COL21A1: variants seen among roughly 807,000 people sequenced by gnomAD.
COL21A1 encodes collagen type XXI alpha 1 chain, also known as collagen alpha-1(XXI) chain.
A neutral mutation model predicts 137.9 loss-of-function variants in COL21A1; 149 were observed. That is an observed-to-expected ratio of 1.08 (90% CI 0.95 to 1.24). The LOEUF is 1.24. Among genes scored for constraint, COL21A1 ranks in the 50% most tolerant of loss-of-function variants. The pLI is 0.00. For synonymous variants in COL21A1, 456 were observed against 391.5 expected (o/e 1.16, Z -1.95); for missense variants, 1,167 against 1,158.4 (o/e 1.01, Z -0.11).
At chr6:56,132,297 A>G (rs1490102297) in intron 12 of COL21A1, among the ~76,000 whole-genome samples, 2 of 152,268 alleles carry the variant, frequency 1.3e-5, no homozygotes, top group South Asian at 2.1e-4. Flanking sequence ...AAACTAATCC[A>G]TATGTGCAAA....
chr6:56,313,036 T>G (rs1220031715), intron 1 of COL21A1, among the ~76,000 whole-genome samples: 1 of 152,134 alleles, frequency 6.6e-6, no homozygotes, highest in Non-Finnish European at 1.5e-5. Context: ...TTGTGACTAC[T>G]TATCCATGCT....
intron 10 of COL21A1, among the ~76,000 whole-genome samples, chr6:56,144,180 C>T (rs1025873405): frequency 2.0e-5 from 3 of 152,184 alleles, no homozygotes; most frequent in Non-Finnish European, 4.4e-5. Flanking sequence ...CTTACAACTA[C>T]TCTTTAATGT....
chr6:56,343,143 A>G (rs1288183099), intron 1 of COL21A1, among the ~76,000 whole-genome samples: 1 of 152,222 alleles, frequency 6.6e-6, no homozygotes, highest in Non-Finnish European at 1.5e-5. Context: ...CCCAAGGTTT[A>G]GAGGAAAGAT....
chr6:56,319,405 T>C (rs4628100), intron 1 of COL21A1, among the ~76,000 whole-genome samples: 4,315 of 152,298 alleles, frequency 0.028, 83 homozygotes, highest in Non-Finnish European at 0.044. Context: ...TGGTGTACTC[T>C]CTGCTCATTG....
In COL21A1 at chr6:56,073,463, T is replaced by G. The variant is rs9370480; in HGVS notation, c.1965+769A>C. Among the ~76,000 whole-genome samples the G allele has an allele frequency of 3.3e-5, 5 of 151,336 alleles. No homozygotes were observed. In the East Asian group the frequency reaches 7.8e-4, roughly 24 times the overall value. ...AAATAGAGTAGGTCATCTACTCATA[T>G]GCCAGGGTCTATTCCCCTGAGGCAA... On this transcript the variant is annotated intron_variant, in intron 20 of 29. Coordinates refer to ENST00000244728, the MANE Select transcript of COL21A1 (RefSeq NM_030820.4).
At chr6:56,358,009 G>T (rs77221481) in intron 1 of COL21A1, among the ~76,000 whole-genome samples, 4,335 of 152,224 alleles carry the variant, frequency 0.028, 222 homozygotes, top group African/African-American at 0.097. Flanking sequence ...GCACAAGAGT[G>T]ATATCTGATA....
chr6:56,206,177 A>T (rs926116921), intron 1 of COL21A1, among the ~76,000 whole-genome samples: 2 of 152,178 alleles, frequency 1.3e-5, no homozygotes, highest in Non-Finnish European at 2.9e-5. Flanking sequence ...CAATTAAAAG[A>T]CACAGACTGG....
intron 12 of COL21A1, among the ~76,000 whole-genome samples, chr6:56,135,652 A>G (rs1773942502): frequency 2.0e-5 from 3 of 152,152 alleles, no homozygotes; most frequent in Non-Finnish European, 4.4e-5. Flanking sequence ...ATATTCAAAG[A>G]TGTTTCTTAC....
chr6:56,286,244 C>T (rs1322769612), intron 1 of COL21A1, among the ~76,000 whole-genome samples: 1 of 152,210 alleles, frequency 6.6e-6, no homozygotes, highest in Admixed American at 6.5e-5. Context: ...TACTAAGCTG[C>T]ATGCACTGAG....
At chr6:56,309,050 T>A (rs1001829787) in intron 1 of COL21A1, among the ~76,000 whole-genome samples, 1 of 152,044 alleles carries the variant, frequency 6.6e-6, no homozygotes, top group Non-Finnish European at 1.5e-5. Context: ...ATTATCTTTT[T>A]TTTTTTTTTC....
rs145100480 is a variant in COL21A1, at chr6:56,060,328, G to A, written c.2408-110C>T. 444 of 856,076 alleles carry A rather than the reference G, an allele frequency of 5.2e-4. 2 individuals are homozygous for A. In the African/African-American group the frequency reaches 6.8e-3, roughly 13 times the overall value. 53.0% of individuals were successfully genotyped at this position (856,076 alleles called of 1,614,324 possible). A position where few individuals can be genotyped will look rare whatever the true frequency, so the allele number is the denominator to read the frequency against. ...AGAAAAAACTACGAACATTGAATATGTGCATATTTCTTGGCCAATAATTTC... is the reference window on the plus strand; with the variant it reads ...AGAAAAAACTACGAACATTGAATATATGCATATTTCTTGGCCAATAATTTC... On this transcript the variant is annotated intron_variant, in intron 27 of 29. Coordinates refer to ENST00000244728, the MANE Select transcript of COL21A1 (RefSeq NM_030820.4).
intron 1 of COL21A1, among the ~76,000 whole-genome samples, chr6:56,392,389 A>C (rs1270191369): frequency 6.6e-6 from 1 of 152,194 alleles, no homozygotes; most frequent in Non-Finnish European, 1.5e-5. Context: ...CTAGTATCAT[A>C]TCGAAGGGGG....
intron 17 of COL21A1, among the ~76,000 whole-genome samples, chr6:56,093,852 G>A (rs147126257): frequency 1.3e-5 from 2 of 152,154 alleles, no homozygotes; most frequent in Admixed American, 6.5e-5. Context: ...TAGACAAGAG[G>A]CTCCTCCCCA....
rs145988313 is a variant in COL21A1 at position 56,264,621 on chromosome 6, G to A, written c.-38-81965C>T. ...TGGGACCCATTTAACTAATTGCCGT[G>A]TGAGATTTCCAATAAAATGCCTACA... On this transcript the variant is annotated intron_variant, in intron 1 of 28. Transcript: ENST00000370819. Among the ~76,000 whole-genome samples, 59 of 152,244 alleles carry A rather than the reference G, an allele frequency of 3.9e-4. No individual in the cohort carries two copies. The East Asian group carries it at 8.7e-3, about 22-fold the overall frequency.
At chr6:56,091,502 T>C (rs568459564) in intron 17 of COL21A1, 63 of 152,664 alleles carry the variant, frequency 4.1e-4, no homozygotes, top group African/African-American at 1.4e-3. Context: ...CTCACCTCCA[T>C]AGATCCAGGA....
chr6:56,240,747 C>T (rs1463777803), intron 1 of COL21A1, among the ~76,000 whole-genome samples: 1 of 152,152 alleles, frequency 6.6e-6, no homozygotes, highest in Non-Finnish European at 1.5e-5. Flanking sequence ...AAGCTTCCAG[C>T]ATCTCAGTAA....
intron 1 of COL21A1, among the ~76,000 whole-genome samples, chr6:56,207,556 C>G (rs1053019956): frequency 4.6e-5 from 7 of 152,058 alleles, no homozygotes; most frequent in African/African-American, 1.7e-4. Flanking sequence ...AGCCTACCAA[C>G]CAAAAAAGTC....
intron 1 of COL21A1, among the ~76,000 whole-genome samples, chr6:56,190,554 A>T (rs1778599244): frequency 6.6e-6 from 1 of 152,216 alleles, no homozygotes; most frequent in African/African-American, 2.4e-5. Context: ...AATTCCAAAC[A>T]ATAGAAAAAG....
rs752502737 is a variant in COL21A1, at chr6:56,180,005, C to T, written c.213G>A (p.Pro71=). The T allele has an allele frequency of 3.1e-6, 5 of 1,613,804 alleles. No homozygotes were observed. The highest frequency in any genetic ancestry group is 1.1e-5 in the South Asian group (1 of 91,072). The change falls in exon 3 of 30, where the codon CCG becomes CCA. Residue 71 remains proline, a synonymous_variant. Coordinates refer to ENST00000244728, the MANE Select transcript of COL21A1 (RefSeq NM_030820.4). ...VNITKNFDIG[P]KFIQVGVVQY... ...GAACCACTCCAACTTGAATAAACTT[C>T]GGCCCTATGTCAAAGTTTTTTGTGA...
Sources: allele counts gnomAD v4.1 joint callset (sites outside exome capture counted in the v4.1 genomes callset), GRCh38; gene constraint gnomAD v4.1.1; transcripts MANE v1.5; gene names NCBI Gene and HGNC (gene_info 2026-07-23, HGNC 2026-07-21).